The following KNDC1 variants were observed in gnomAD, a reference collection of about 807,000 sequenced individuals.
KNDC1 encodes kinase non-catalytic C-lobe domain-containing protein 1.
In KNDC1, 106 loss-of-function variants were observed where a neutral mutation model predicts 172.8. The observed-to-expected ratio is 0.61, with a 90% CI of 0.52 to 0.72. The LOEUF (loss-of-function observed/expected upper bound fraction) is 0.72. KNDC1 is among the 30% of genes least tolerant of loss of function. The probability of loss-of-function intolerance (pLI) is 0.00; values close to 1 mark genes in which losing one functional copy is unlikely to be tolerated. For synonymous variants in KNDC1, 1,083 were observed against 1,062.2 expected (o/e 1.02, Z -0.38); for missense variants, 2,325 against 2,394.5 (o/e 0.97, Z 0.61).
At chr10:133,219,889 CG>C (rs1845546810) in intron 28 of KNDC1, 65 bp from the exon 29 acceptor site, 2 of 1,464,360 alleles carry the variant, frequency 1.4e-6, no homozygotes. Flanking sequence ...GCGCTGGCCC[CG>C]GCTGAGGCTC....
In KNDC1 at chr10:133,171,610, G is replaced by C. The variant is rs146908595; in HGVS notation, c.360+3298G>C. 1.7e-3 allele frequency among the ~76,000 whole-genome samples: 255 copies of C among 151,756 alleles called. 1 individual carries two copies. The highest frequency in any genetic ancestry group is 4.8e-3 in the African/African-American group (200 of 41,402). ...TCTTTTTAATTACATTTTTCTGTTT[G>C]TTTGTTGCTAGTCTACAGAAATGCA... On this transcript the variant is annotated intron_variant, in intron 3 of 29. Coordinates refer to ENST00000304613, the MANE Select transcript of KNDC1 (RefSeq NM_152643.8).
rs1437265686 is a variant in KNDC1, at chr10:133,219,058, G to A, written c.4828G>A (p.Ala1610Thr). 6.2e-7 allele frequency: 1 copy of A among 1,614,052 alleles called. No homozygotes were observed. The highest frequency in any genetic ancestry group is 2.2e-5 in the East Asian group (1 of 44,884). The change falls in exon 28 of 30, where the codon GCA becomes ACA. Residue 1610 changes from alanine (A) to threonine (T), a missense_variant. Physicochemically the swap from Ala to Thr is moderately conservative, Grantham distance 58. Coordinates refer to ENST00000304613, the MANE Select transcript of KNDC1 (RefSeq NM_152643.8). Reference protein sequence around the residue: ...PAWRILPAKIAEVMEELKAVE... With the variant: ...PAWRILPAKITEVMEELKAVE... Reference sequence around the variant, plus strand: ...CTGGAGAATTCTGCCTGCAAAGATAGCAGAGGTCATGGAGGAGCTGAAAGC... The same window carrying A: ...CTGGAGAATTCTGCCTGCAAAGATAACAGAGGTCATGGAGGAGCTGAAAGC...
chr10:133,195,942 G>C (rs1564889017), intron 10 of KNDC1, 121 bp downstream of exon 10: 1 of 1,038,996 alleles, frequency 9.6e-7, no homozygotes, highest in African/African-American at 1.7e-5. Flanking sequence ...AGGCCACCAG[G>C]TCTGTTTCTA....
Position 133,189,776 on chromosome 10 carries a change from C to T in KNDC1, c.1538C>T (p.Ala513Val). 6.2e-7 allele frequency: 1 copy of T among 1,614,072 alleles called. No homozygotes were observed. Among genetic ancestry groups the T allele is most frequent in the Non-Finnish European group, 8.5e-7 (1 of 1,180,012 alleles). The change falls in exon 9 of 30, where the codon GCT becomes GTT. Residue 513 changes from alanine to valine, a missense_variant. Transcript: ENST00000304613. ...ANGSYDSFFL[A>V]PELAEERLVT... ...GGTTCCTATGACTCGTTCTTTCTGGCTCCCGAGCTGGCAGAGGAGAGGCTG... is the reference window on the plus strand; with the variant it reads ...GGTTCCTATGACTCGTTCTTTCTGGTTCCCGAGCTGGCAGAGGAGAGGCTG...
intron 1 of KNDC1, among the ~76,000 whole-genome samples, chr10:133,161,901 T>A (rs1852984694): frequency 6.6e-6 from 1 of 152,144 alleles, no homozygotes; most frequent in Non-Finnish European, 1.5e-5. Flanking sequence ...CAGCAGCCGG[T>A]GCCACGCACA....
chr10:133,186,114 G>C lies in KNDC1; in HGVS notation c.766G>C (p.Ala256Pro). ...PESETSRGPR[A>P]SPTKALLSTP... is the part of the protein sequence containing the mutation. Reference sequence around the variant, plus strand: ...GTCTGAGACGAGCCGGGGCCCCAGAGCCTCCCCAACCAAGGCTCTGCTGTC... The same window carrying C: ...GTCTGAGACGAGCCGGGGCCCCAGACCCTCCCCAACCAAGGCTCTGCTGTC... Residue 256 changes from alanine (A) to proline (P), a missense_variant, in exon 6 of 30, where the codon GCC (alanine) becomes CCC (proline). Coordinates refer to ENST00000304613, the MANE Select transcript of KNDC1 (RefSeq NM_152643.8). The C allele has an allele frequency of 1.9e-6, 3 of 1,598,860 alleles. No individual in the cohort carries two copies. The highest frequency in any genetic ancestry group is 2.6e-6 in the Non-Finnish European group (3 of 1,173,652).
At chr10:133,218,976 G>C in intron 27 of KNDC1, 23 bp downstream of exon 27, 1 of 1,613,676 alleles carries the variant, frequency 6.2e-7, no homozygotes, top group South Asian at 1.1e-5. Context: ...CGGGCCCCAA[G>C]GCGGGGGTGG....
chr10:133,224,026 CGT>C lies in KNDC1; in HGVS notation c.5019-621_5019-620del, dbSNP rs1303845206. Among the ~76,000 whole-genome samples the C allele has an allele frequency of 1.5e-5, 2 of 130,824 alleles. No homozygotes were observed. The highest frequency in any genetic ancestry group is 2.4e-4 in the East Asian group (1 of 4,204). The allele number at this position is 130,824 out of a possible 152,430, so 85.8% of individuals were successfully genotyped here. On this transcript the variant is annotated intron_variant, in intron 29 of 29. Coordinates refer to ENST00000304613, the MANE Select transcript of KNDC1 (RefSeq NM_152643.8). The surrounding 1 kb of genome is among the most constrained non-coding windows in gnomAD (Gnocchi z 5.4). ...GCCCATCCAGGCATGCTCTTCCCGG[CGT>C]GTGTGTGTGTGAGAGCCCATCCAGG...
chr10:133,183,587 T>C, intron 4 of KNDC1, 97 bp downstream of exon 4: 1 of 1,345,516 alleles, frequency 7.4e-7, no homozygotes, highest in Middle Eastern at 2.7e-4. Flanking sequence ...CAGCCTCACC[T>C]GGGTTCCGCA....
Position 133,183,438 on chromosome 10 carries a change from C to T in KNDC1, c.455C>T (p.Ala152Val), listed in dbSNP as rs775720366. ...LEPRLSQDLE[A>V]LLSRMQAEDP... ...CCCAGGCTGAGCCAAGACCTCGAGG[C>T]GCTGCTGAGCCGGATGCAGGCGGAG... is the stretch of plus-strand genomic sequence containing the variant. Residue 152 changes from alanine to valine, a missense_variant, in exon 4 of 30, where the codon GCG becomes GTG. Physicochemically the swap from Ala to Val is moderately conservative, Grantham distance 64. Coordinates refer to ENST00000304613, the MANE Select transcript of KNDC1 (RefSeq NM_152643.8). 5.6e-6 allele frequency: 9 copies of T among 1,605,802 alleles called. No individual in the cohort carries two copies. The highest frequency in any genetic ancestry group is 5.6e-5 in the South Asian group (5 of 89,572).
intron 9 of KNDC1, among the ~76,000 whole-genome samples, chr10:133,193,759 A>C (rs1482928342): frequency 2.0e-5 from 3 of 152,350 alleles, no homozygotes; most frequent in African/African-American, 7.2e-5. Context: ...TGATAAAAAG[A>C]AAGCAGAAGT....
intron 2 of KNDC1, 58 bp downstream of exon 2, chr10:133,167,637 A>C: frequency 6.6e-7 from 1 of 1,510,464 alleles, no homozygotes; most frequent in South Asian, 1.2e-5. Context: ...GGTGCCTTTC[A>C]GGGGGGATGT....
At chr10:133,190,581 C>T (rs1854050892) in intron 9 of KNDC1, among the ~76,000 whole-genome samples, 1 of 152,202 alleles carries the variant, frequency 6.6e-6, no homozygotes, top group Non-Finnish European at 1.5e-5. Flanking sequence ...GTAAAGAAGC[C>T]GGTGACCGGG....
intron 17 of KNDC1, among the ~76,000 whole-genome samples, chr10:133,203,684 G>A (rs2998131): frequency 0.39 from 60,026 of 152,028 alleles, 13,074 homozygotes; most frequent in East Asian, 0.62. Context: ...CAGAGTCAGC[G>A]TGGACAGCAC....
intron 1 of KNDC1, among the ~76,000 whole-genome samples, chr10:133,167,017 T>C (rs1853183923): frequency 6.6e-6 from 1 of 152,230 alleles, no homozygotes; most frequent in South Asian, 2.1e-4. Context: ...CTCGCTCATC[T>C]GTTGGCAGCC....
chr10:133,220,093 C>G lies in KNDC1; in HGVS notation c.4999C>G (p.His1667Asp). 2 of 1,566,934 alleles carry G rather than the reference C, an allele frequency of 1.3e-6. No homozygotes were observed. Among genetic ancestry groups the G allele is most frequent in the Non-Finnish European group, 1.7e-6 (2 of 1,155,934 alleles). Residue 1667 changes from histidine to aspartate, a missense_variant, in exon 29 of 30, where the codon CAC becomes GAC. His to Asp is a moderately conservative substitution (Grantham distance 81). Transcript: ENST00000304613. ...CGGCTTCACCATGACCAACGGGGCC[C>G]ACAGGTGGAGCAAGCTCAGGTGAGG... ...TGGFTMTNGA[H>D]RWSKLRNIAK...
In KNDC1 at chr10:133,195,796, G is replaced by A. The variant is rs867527066; in HGVS notation, c.1709G>A (p.Arg570Gln). The A allele has an allele frequency of 8.9e-6, 14 of 1,577,838 alleles. No individual in the cohort carries two copies. The highest frequency in any genetic ancestry group is 1.7e-4 in the Middle Eastern group (1 of 5,774). ...ATGGCCAGGCGCAGTGCCCCGGAGC[G>A]GCCGTCCGCGGCTGAGGCCATCAAG... The part of the protein sequence containing the change: ...LDMARRSAPE[R>Q]PSAAEAIKVC... Residue 570 changes from arginine (R) to glutamine (Q), a missense_variant, in exon 10 of 30, where the codon CGG becomes CAG. Coordinates refer to ENST00000304613, the MANE Select transcript of KNDC1 (RefSeq NM_152643.8).
intron 17 of KNDC1, among the ~76,000 whole-genome samples, chr10:133,203,306 T>C (rs1854432830): frequency 6.7e-6 from 1 of 149,450 alleles, no homozygotes. Context: ...CGGGGAGCAC[T>C]CGGCCCCCAA....
chr10:133,208,070 A>T (rs1845252261), intron 20 of KNDC1, among the ~76,000 whole-genome samples: 1 of 152,084 alleles, frequency 6.6e-6, no homozygotes, highest in Non-Finnish European at 1.5e-5. Context: ...GGCTTATGGG[A>T]CCCTTATGAC....
Sources: gnomAD v4.1 joint callset for allele counts (sites outside exome capture counted in the v4.1 genomes callset) on GRCh38, gnomAD v4.1.1 for gene constraint, Gnocchi (gnomAD v3.1) non-coding constraint, MANE v1.5 for transcripts, NCBI Gene and HGNC (gene_info 2026-07-23, HGNC 2026-07-21) for gene names.